The following SERPINB7 variants were observed in gnomAD, a reference collection of about 807,000 sequenced individuals.
SERPINB7 encodes serpin family B member 7, also known as serpin B7.
In SERPINB7, 31 loss-of-function variants were observed where a neutral mutation model predicts 37.4. The ratio of observed to expected loss-of-function variants is 0.83; its 90% confidence interval spans 0.62 to 1.12. The LOEUF is 1.12. SERPINB7 is among the 50% of genes most tolerant of loss of function. The pLI, the probability that SERPINB7 is intolerant of heterozygous loss-of-function variation, is 0.00. For missense variants in SERPINB7, 521 were observed against 455.3 expected, an observed-to-expected ratio of 1.14 and a Z score of -1.31; for synonymous variants, 163 against 166.1, an observed-to-expected ratio of 0.98 and a Z score of 0.14.
chr18:63,791,871 A>G (rs956585843), intron 2 of SERPINB7, among the ~76,000 whole-genome samples: 1 of 152,204 alleles, frequency 6.6e-6, no homozygotes, highest in South Asian at 2.1e-4. Context: ...TGGCCTCCCA[A>G]AGTGCTGAGA....
chr18:63,797,320 A>G (rs1310552356), intron 5 of SERPINB7, among the ~76,000 whole-genome samples: 2 of 152,134 alleles, frequency 1.3e-5, no homozygotes, highest in Non-Finnish European at 2.9e-5. Flanking sequence ...TGCAGTGTAT[A>G]AATTTTCTTT....
intron 1 of SERPINB7, among the ~76,000 whole-genome samples, chr18:63,780,564 C>T (rs2049291569): frequency 6.6e-6 from 1 of 152,100 alleles, no homozygotes; most frequent in Non-Finnish European, 1.5e-5. Flanking sequence ...AAGAGTTTCT[C>T]CTGTAGCTTT....
intron 2 of SERPINB7, among the ~76,000 whole-genome samples, chr18:63,783,486 C>T (rs1274407688): frequency 4.6e-5 from 7 of 152,050 alleles, no homozygotes; most frequent in Non-Finnish European, 8.8e-5. Flanking sequence ...CACTGGTTAC[C>T]GGGGCACAAA....
intron 2 of SERPINB7, among the ~76,000 whole-genome samples, chr18:63,791,378 C>T (rs1391474784): frequency 6.6e-6 from 1 of 152,090 alleles, no homozygotes; most frequent in African/African-American, 2.4e-5. Context: ...CATAAAATGA[C>T]ATTTCAAGAA....
intron 2 of SERPINB7, among the ~76,000 whole-genome samples, 162 bp downstream of exon 2, chr18:63,782,702 C>T (rs1198741915): frequency 6.6e-6 from 1 of 152,204 alleles, no homozygotes; most frequent in Non-Finnish European, 1.5e-5. Flanking sequence ...AGAAAGCACA[C>T]AGCTTGCAGT....
chr18:63,774,589 C>A (rs1340007915), upstream of SERPINB7, among the ~76,000 whole-genome samples: 12 of 152,062 alleles, frequency 7.9e-5, no homozygotes, highest in African/African-American at 2.9e-4. Context: ...CCTTTCCCTA[C>A]ACCTGGTCAC....
chr18:63,756,785 T>C (rs1389589748), intron 1 of SERPINB7, among the ~76,000 whole-genome samples: 1 of 147,604 alleles, frequency 6.8e-6, no homozygotes, highest in Non-Finnish European at 1.5e-5. Flanking sequence ...GCCAGTTGTT[T>C]CCAGGGTCTT....
intron 1 of SERPINB7, among the ~76,000 whole-genome samples, chr18:63,769,034 C>T (rs189766980): frequency 1.3e-5 from 2 of 152,194 alleles, no homozygotes; most frequent in Non-Finnish European, 1.5e-5. Flanking sequence ...TTTTAGCTAT[C>T]GTGAATGAAT....
At chr18:63,792,527 C>A in intron 3 of SERPINB7, 84 bp downstream of exon 3, 1 of 902,824 alleles carries the variant, frequency 1.1e-6, no homozygotes, top group Non-Finnish European at 1.8e-6. Context: ...CTTTGGAAGG[C>A]TGAGGCGGGT....
intron 1 of SERPINB7, 111 bp from the exon 2 acceptor site, chr18:63,782,244 C>A: frequency 1.4e-6 from 1 of 695,138 alleles, no homozygotes; most frequent in African/African-American, 1.9e-5. Flanking sequence ...TGATTACCTC[C>A]AAGGCTGAAA....
chr18:63,787,700 G>T (rs753891701), intron 2 of SERPINB7, among the ~76,000 whole-genome samples: 2 of 152,128 alleles, frequency 1.3e-5, no homozygotes, highest in African/African-American at 2.4e-5. Flanking sequence ...GAATTGCAGG[G>T]AGTTGTTAAA....
chr18:63,768,368 T>C (rs769190879), intron 1 of SERPINB7, among the ~76,000 whole-genome samples: 4 of 152,102 alleles, frequency 2.6e-5, no homozygotes, highest in Non-Finnish European at 4.4e-5. Context: ...CTTTCATCCA[T>C]TTATTTCATC....
chr18:63,804,881 C>G lies in SERPINB7; in HGVS notation c.*246C>G. 4.2e-6 allele frequency: 2 copies of G among 477,534 alleles called. No homozygotes were observed. Among genetic ancestry groups the G allele is most frequent in the East Asian group, 3.3e-5 (1 of 30,114 alleles). 29.6% of individuals were successfully genotyped at this position (477,534 alleles called of 1,614,324 possible). ...TCTAATTTCATTGTCTTTCTTCCCA[C>G]GCTCATTTCTATCATTCTCCCCCAT... is the stretch of plus-strand genomic sequence containing the variant. On this transcript the variant is annotated 3_prime_UTR_variant, in exon 8 of 8. Coordinates refer to ENST00000398019, the MANE Select transcript of SERPINB7 (RefSeq NM_003784.4).
chr18:63,788,375 A>T (rs961058316), intron 2 of SERPINB7, among the ~76,000 whole-genome samples: 1 of 152,234 alleles, frequency 6.6e-6, no homozygotes, highest in Non-Finnish European at 1.5e-5. Flanking sequence ...AAAATTAAAT[A>T]AATACAGCTC....
chr18:63,792,499 A>G, intron 3 of SERPINB7, 56 bp downstream of exon 3: 1 of 1,204,990 alleles, frequency 8.3e-7, no homozygotes. Context: ...GCAGGGGCTC[A>G]AGCCTGTAAT....
At chr18:63,768,915 A>G (rs975779883) in intron 1 of SERPINB7, among the ~76,000 whole-genome samples, 3 of 152,238 alleles carry the variant, frequency 2.0e-5, no homozygotes, top group African/African-American at 2.4e-5. Context: ...TGAATGTATC[A>G]ATAATTTGCT....
chr18:63,769,435 T>G (rs899663642), intron 1 of SERPINB7, among the ~76,000 whole-genome samples: 2 of 152,158 alleles, frequency 1.3e-5, no homozygotes, highest in African/African-American at 4.8e-5. Flanking sequence ...GTCAGATAAT[T>G]CTAAAATCTG....
chr18:63,765,807 C>T (rs1367129016), intron 1 of SERPINB7, among the ~76,000 whole-genome samples: 5 of 151,964 alleles, frequency 3.3e-5, no homozygotes, highest in African/African-American at 9.7e-5. Flanking sequence ...CGATTTTTTT[C>T]CTTCATAGCA....
At chr18:63,771,632 T>G (rs2049211891), upstream of SERPINB7, among the ~76,000 whole-genome samples, 1 of 152,112 alleles carries the variant, frequency 6.6e-6, no homozygotes, top group Non-Finnish European at 1.5e-5. Context: ...TTCTAAGGGT[T>G]CGCACGGGTT....
Sources: allele counts gnomAD v4.1 joint callset (sites outside exome capture counted in the v4.1 genomes callset), GRCh38; gene constraint gnomAD v4.1.1; transcripts MANE v1.5; gene names NCBI Gene and HGNC (gene_info 2026-07-23, HGNC 2026-07-21).